CDC42SE2: variants seen among roughly 807,000 people sequenced by gnomAD.
CDC42SE2 encodes CDC42 small effector 2.
CDC42SE2 carries 3 observed loss-of-function variants against 11.5 expected under a neutral mutation model. The ratio of observed to expected loss-of-function variants is 0.26; its 90% CI spans 0.12 to 0.67. The LOEUF is 0.67. Ranked by LOEUF, CDC42SE2 falls within the 30% of genes least tolerant of loss-of-function variation. The pLI is 0.80. For synonymous variants in CDC42SE2, 33 were observed against 34.8 expected, an observed-to-expected ratio of 0.95 and a Z score of 0.18; for missense variants, 82 against 106.8, an observed-to-expected ratio of 0.77 and a Z score of 1.02.
At chr5:131,303,751 T>C (rs907685284) in intron 1 of CDC42SE2, among the ~76,000 whole-genome samples, 1 of 152,226 alleles carries the variant, frequency 6.6e-6, no homozygotes, top group Non-Finnish European at 1.5e-5. Flanking sequence ...TACTCATTCA[T>C]TGGAGTTGTG....
At chr5:131,289,992 G>A (rs1757418931) in intron 1 of CDC42SE2, among the ~76,000 whole-genome samples, 1 of 152,050 alleles carries the variant, frequency 6.6e-6, no homozygotes, top group Non-Finnish European at 1.5e-5. Flanking sequence ...ACAGGTGCGT[G>A]CCACCATTCT....
chr5:131,285,237 G>A (rs935222552), intron 1 of CDC42SE2, among the ~76,000 whole-genome samples: 11 of 152,026 alleles, frequency 7.2e-5, no homozygotes, highest in African/African-American at 2.7e-4. Flanking sequence ...GTGAGCTCGG[G>A]TTGTGCTCCA....
upstream of CDC42SE2, among the ~76,000 whole-genome samples, chr5:131,244,045 T>C (rs1756560430): frequency 6.6e-6 from 1 of 152,216 alleles, no homozygotes; most frequent in African/African-American, 2.4e-5. Context: ...AGAAAGCTGA[T>C]GTAGCTTTAA....
At chr5:131,316,743 G>C (rs1758046891) in intron 2 of CDC42SE2, among the ~76,000 whole-genome samples, 1 of 152,134 alleles carries the variant, frequency 6.6e-6, no homozygotes, top group East Asian at 1.9e-4. Flanking sequence ...AGAACCAAGG[G>C]AACTGGAGAA....
At chr5:131,389,891 G>T (rs185156626) in intron 4 of CDC42SE2, among the ~76,000 whole-genome samples, 1 of 152,286 alleles carries the variant, frequency 6.6e-6, no homozygotes, top group Admixed American at 6.5e-5. Flanking sequence ...TCTTCTAGCA[G>T]TCTAGCCTGA....
intron 3 of CDC42SE2, among the ~76,000 whole-genome samples, chr5:131,370,843 C>G (rs1749996210): frequency 6.6e-6 from 1 of 151,886 alleles, no homozygotes; most frequent in Non-Finnish European, 1.5e-5. Flanking sequence ...GTTTATAAGC[C>G]TAGACACAAC....
the CDC42SE2 span, among the ~76,000 whole-genome samples, chr5:131,217,098 T>C: frequency 6.6e-6 from 1 of 152,246 alleles, no homozygotes; most frequent in African/African-American, 2.4e-5. Context: ...ATAATTTTGG[T>C]GGCAGACTAC....
At chr5:131,269,755 C>T (rs1418902645) in intron 1 of CDC42SE2, among the ~76,000 whole-genome samples, 2 of 150,656 alleles carry the variant, frequency 1.3e-5, no homozygotes, top group Non-Finnish European at 3.0e-5. Context: ...CAGAGCGAGA[C>T]TCCATCTCAA....
At chr5:131,386,719 C>T (rs1750498225) in intron 4 of CDC42SE2, among the ~76,000 whole-genome samples, 1 of 152,276 alleles carries the variant, frequency 6.6e-6, no homozygotes, top group East Asian at 1.9e-4. Context: ...TAAAGCAGGC[C>T]ACTGAGTTTC....
chr5:131,303,925 A>G (rs1000594938), intron 1 of CDC42SE2, among the ~76,000 whole-genome samples: 1 of 152,106 alleles, frequency 6.6e-6, no homozygotes, highest in African/African-American at 2.4e-5. Flanking sequence ...ATCTCTGCAT[A>G]GAGATGGAGT....
chr5:131,309,546 G>A, intron 1 of CDC42SE2, among the ~76,000 whole-genome samples: 1 of 151,076 alleles, frequency 6.6e-6, no homozygotes, highest in East Asian at 1.9e-4. Flanking sequence ...TGTACCTCTG[G>A]TAGAATTCGG....
At chr5:131,288,910 C>T (rs898038210) in intron 1 of CDC42SE2, among the ~76,000 whole-genome samples, 5 of 152,122 alleles carry the variant, frequency 3.3e-5, no homozygotes, top group African/African-American at 1.2e-4. Context: ...GTTCCTTCTA[C>T]CCCCACCACT....
At chr5:131,368,740 T>G (rs939711105) in intron 3 of CDC42SE2, among the ~76,000 whole-genome samples, 2 of 152,208 alleles carry the variant, frequency 1.3e-5, no homozygotes, top group African/African-American at 4.8e-5. Context: ...TTGTCTAATC[T>G]TCACCTCATT....
intron 2 of CDC42SE2, among the ~76,000 whole-genome samples, chr5:131,337,744 C>G (rs1321185672): frequency 5.3e-5 from 8 of 152,240 alleles, no homozygotes; most frequent in Non-Finnish European, 1.0e-4. Flanking sequence ...GAGCGAGGCT[C>G]CGTGAGGGTA....
At chr5:131,264,941 G>T (rs1430021160) in intron 1 of CDC42SE2, among the ~76,000 whole-genome samples, 1 of 152,160 alleles carries the variant, frequency 6.6e-6, no homozygotes, top group African/African-American at 2.4e-5. Context: ...GGGGGGTGAT[G>T]TGCAGTTTAC....
intron 2 of CDC42SE2, among the ~76,000 whole-genome samples, chr5:131,357,728 A>C (rs972216262): frequency 6.6e-6 from 1 of 152,168 alleles, no homozygotes; most frequent in Non-Finnish European, 1.5e-5. Context: ...TCTTCATTCT[A>C]CCACTCTACT....
chr5:131,279,824 G>A (rs541969865), intron 1 of CDC42SE2, among the ~76,000 whole-genome samples: 24 of 152,228 alleles, frequency 1.6e-4, no homozygotes, highest in Admixed American at 1.2e-3. Context: ...TTGTAATCCC[G>A]GCACTTTGGG....
chr5:131,270,571 G>C (rs1756972998), intron 1 of CDC42SE2, among the ~76,000 whole-genome samples: 1 of 152,104 alleles, frequency 6.6e-6, no homozygotes, highest in Admixed American at 6.6e-5. Flanking sequence ...GGTGGAACTT[G>C]GTAAGGTTTA....
At chr5:131,344,198 GGGGCATCGCCTCACCT>G (rs767566410) in intron 2 of CDC42SE2, among the ~76,000 whole-genome samples, 7 of 152,124 alleles carry the variant, frequency 4.6e-5, no homozygotes, top group Non-Finnish European at 8.8e-5. Flanking sequence ...GGAGCAGGGC[GGGGCATCGCCTCACCT>G]GGGAAGCGCA....
Sources: allele counts gnomAD v4.1 joint callset (sites outside exome capture counted in the v4.1 genomes callset), GRCh38; gene constraint gnomAD v4.1.1; transcripts MANE v1.5; gene names NCBI Gene and HGNC (gene_info 2026-07-23, HGNC 2026-07-21).